The following RBFOX1 variants were observed in gnomAD, a reference collection of about 807,000 sequenced individuals.
RBFOX1 encodes RNA binding protein fox-1 homolog 1.
A neutral mutation model predicts 57.7 loss-of-function variants in RBFOX1; 8 were observed. That is an observed-to-expected ratio of 0.14 (90% CI 0.08 to 0.25). The LOEUF is 0.25. Ranked by LOEUF, RBFOX1 falls within the 10% of genes least tolerant of loss-of-function variation. RBFOX1 has a pLI of 1.00. For synonymous variants in RBFOX1, 326 were observed against 222.4 expected (o/e 1.47, Z -4.15); for missense variants, 611 against 548.5 (o/e 1.11, Z -1.14).
chr16:6,493,870 C>T (rs1323432986), intron 2 of RBFOX1, among the ~76,000 whole-genome samples: 1 of 152,150 alleles, frequency 6.6e-6, no homozygotes, highest in African/African-American at 2.4e-5. Flanking sequence ...ATAAACTATG[C>T]AACGTTAAGT....
In RBFOX1 at chr16:6,949,116, T is replaced by C. The variant is rs532616827; in HGVS notation, c.-15-102941T>C. On this transcript the variant is annotated intron_variant, in intron 3 of 15. Coordinates refer to ENST00000550418, the MANE Select transcript of RBFOX1 (RefSeq NM_018723.4). ...TCCTCTGAAATGTAATTATTGACTT[T>C]TTTTAAAACATGGATAGGGATATGT... Among the ~76,000 whole-genome samples the C allele has an allele frequency of 9.8e-5, 15 of 152,328 alleles. No individual in the cohort carries two copies. In the East Asian group the frequency reaches 2.7e-3, roughly 27 times the overall value.
chr16:5,448,145 A>C (rs2068309197), intron 1 of RBFOX1, among the ~76,000 whole-genome samples: 1 of 152,176 alleles, frequency 6.6e-6, no homozygotes, highest in African/African-American at 2.4e-5. Flanking sequence ...GGTTGTCAAT[A>C]GGGGCAGCCT....
chr16:7,590,189 C>T (rs2094367531), intron 7 of RBFOX1, among the ~76,000 whole-genome samples: 1 of 151,814 alleles, frequency 6.6e-6, no homozygotes, highest in Non-Finnish European at 1.5e-5. Flanking sequence ...ATTGCTTGAT[C>T]CCAGGAGGTC....
chr16:6,981,244 GT>G (rs1331864803), intron 3 of RBFOX1, among the ~76,000 whole-genome samples: 1 of 151,876 alleles, frequency 6.6e-6, no homozygotes, highest in Admixed American at 6.6e-5. Context: ...CTCATTCATT[GT>G]TTTTTGTGAT....
At chr16:7,455,055 G>A (rs184446077) in intron 4 of RBFOX1, among the ~76,000 whole-genome samples, 17 of 152,244 alleles carry the variant, frequency 1.1e-4, no homozygotes, top group African/African-American at 3.9e-4. Flanking sequence ...TATGTGTCAG[G>A]TACCATGCTA....
At chr16:6,905,026 G>C (rs552794131) in intron 3 of RBFOX1, among the ~76,000 whole-genome samples, 1 of 152,058 alleles carries the variant, frequency 6.6e-6, no homozygotes, top group Non-Finnish European at 1.5e-5. Context: ...AAGAGTTAGA[G>C]GAATTTTTCA....
chr16:7,288,742 G>C (rs899157979), intron 4 of RBFOX1, among the ~76,000 whole-genome samples: 6 of 152,248 alleles, frequency 3.9e-5, no homozygotes, highest in African/African-American at 7.2e-5. Context: ...ATTGGAGGCT[G>C]AGGCAGGAGA....
At chr16:7,501,205 T>G (rs138769449) in intron 4 of RBFOX1, among the ~76,000 whole-genome samples, 1 of 152,208 alleles carries the variant, frequency 6.6e-6, no homozygotes, top group Admixed American at 6.5e-5. Context: ...TTTGTCCTAT[T>G]TACCTAAAGT....
At chr16:6,491,387 G>C (rs910166051) in intron 2 of RBFOX1, among the ~76,000 whole-genome samples, 1 of 152,068 alleles carries the variant, frequency 6.6e-6, no homozygotes, top group Non-Finnish European at 1.5e-5. Flanking sequence ...ATTAAAAAGA[G>C]TGTACCCAAC....
chr16:7,553,285 C>T (rs1165728530), intron 5 of RBFOX1, among the ~76,000 whole-genome samples: 3 of 152,100 alleles, frequency 2.0e-5, no homozygotes, highest in African/African-American at 7.2e-5. Context: ...GCTGGGGCTA[C>T]AGGTGCCCAC....
intron 2 of RBFOX1, among the ~76,000 whole-genome samples, chr16:6,538,718 T>A (rs1034042520): frequency 6.6e-6 from 1 of 152,210 alleles, no homozygotes; most frequent in Non-Finnish European, 1.5e-5. Context: ...TCTCACTAAC[T>A]TTTGACGACT....
At chr16:5,955,350 A>G (rs542892126) in intron 4 of RBFOX1, among the ~76,000 whole-genome samples, 46,841 of 79,064 alleles carry the variant, frequency 0.59, 11,531 homozygotes, top group Admixed American at 0.61. Context: ...ATAAAATAAA[A>G]TAAATAAAAA....
intron 2 of RBFOX1, among the ~76,000 whole-genome samples, chr16:6,501,131 C>CT (rs1003003339): frequency 0.031 from 3,369 of 107,884 alleles, 130 homozygotes; most frequent in African/African-American, 0.089. Context: ...GTTAAACATT[C>CT]TTTTTTTTTT....
chr16:5,564,042 C>G (rs537437459), intron 2 of RBFOX1, among the ~76,000 whole-genome samples: 29 of 152,162 alleles, frequency 1.9e-4, no homozygotes, highest in African/African-American at 6.7e-4. Flanking sequence ...TAGACTGAGT[C>G]TTGCTCTGTC....
chr16:7,286,436 T>C (rs1270988157), intron 4 of RBFOX1, among the ~76,000 whole-genome samples: 1 of 151,198 alleles, frequency 6.6e-6, no homozygotes, highest in East Asian at 2.0e-4. Context: ...TTTCATACTT[T>C]GATACTTTCT....
chr16:6,538,742 T>C (rs2096769571), intron 2 of RBFOX1, among the ~76,000 whole-genome samples: 2 of 152,202 alleles, frequency 1.3e-5, no homozygotes, highest in South Asian at 4.1e-4. Flanking sequence ...TGTGTTTGCC[T>C]TTTTCCAGCT....
chr16:7,448,927 G>GGTTTTT (rs780860697), intron 4 of RBFOX1, among the ~76,000 whole-genome samples: 6 of 82,962 alleles, frequency 7.2e-5, no homozygotes, highest in African/African-American at 2.3e-4. Flanking sequence ...TCTTTCCCCT[G>GGTTTTT]TTTTTTTTTT....
At chr16:7,381,993 C>G (rs2097788747) in intron 4 of RBFOX1, among the ~76,000 whole-genome samples, 1 of 152,196 alleles carries the variant, frequency 6.6e-6, no homozygotes, top group African/African-American at 2.4e-5. Flanking sequence ...GAGAATCCTG[C>G]TTTTACGCGA....
chr16:7,555,100 G>C (rs937531527), intron 5 of RBFOX1, among the ~76,000 whole-genome samples: 6 of 152,058 alleles, frequency 3.9e-5, no homozygotes, highest in African/African-American at 7.2e-5. Context: ...GGTAAGGGGG[G>C]GTTTTTAGTA....
Sources: gnomAD v4.1 joint callset for allele counts (sites outside exome capture counted in the v4.1 genomes callset) on GRCh38, gnomAD v4.1.1 for gene constraint, MANE v1.5 for transcripts, NCBI Gene and HGNC (gene_info 2026-07-23, HGNC 2026-07-21) for gene names.